Variants in ARK2N observed in about 807,000 individuals in gnomAD.
ARK2N encodes arkadia (RNF111) N-terminal like PKA signaling regulator 2N.
At chr18:46,192,001 G>A in the ARK2N span, among the ~76,000 whole-genome samples, 1 of 152,120 alleles carries the variant, frequency 6.6e-6, no homozygotes. Flanking sequence ...TCTTATGGAT[G>A]AATAATATTC....
At chr18:46,193,281 G>A in the ARK2N span, among the ~76,000 whole-genome samples, 1 of 151,946 alleles carries the variant, frequency 6.6e-6, no homozygotes, top group Admixed American at 6.6e-5. Context: ...AGTTCATGCA[G>A]ATTCCCCACC....
the ARK2N span, among the ~76,000 whole-genome samples, chr18:46,210,309 TGA>T: frequency 2.0e-5 from 3 of 152,124 alleles, no homozygotes; most frequent in Non-Finnish European, 4.4e-5. Context: ...ATGGACATGG[TGA>T]ATGATGGGAT....
chr18:46,213,954 C>T, the ARK2N span, among the ~76,000 whole-genome samples: 17 of 152,144 alleles, frequency 1.1e-4, no homozygotes, highest in Admixed American at 9.8e-4. Flanking sequence ...GCCTCCACCT[C>T]CTAAAGTGCT....
chr18:46,197,999 T>G, the ARK2N span, among the ~76,000 whole-genome samples: 1 of 152,108 alleles, frequency 6.6e-6, no homozygotes, highest in Non-Finnish European at 1.5e-5. Flanking sequence ...TCCTACGATA[T>G]TTCCATTTTT....
At chr18:46,242,713 A>G in the ARK2N span, among the ~76,000 whole-genome samples, 1 of 152,226 alleles carries the variant, frequency 6.6e-6, no homozygotes, top group African/African-American at 2.4e-5. Flanking sequence ...ATCACATTGA[A>G]GGTAATCATT....
At chr18:46,257,693 A>AT in the ARK2N span, among the ~76,000 whole-genome samples, 1 of 149,894 alleles carries the variant, frequency 6.7e-6, no homozygotes, top group Non-Finnish European at 1.5e-5. Context: ...TGGTCCTGTT[A>AT]TTTTTTCCTT....
chr18:46,257,973 C>G, the ARK2N span, among the ~76,000 whole-genome samples: 30 of 150,698 alleles, frequency 2.0e-4, no homozygotes, highest in Non-Finnish European at 3.7e-4. Context: ...GTCCTCCAGG[C>G]TGGAGTGCAG....
the ARK2N span, among the ~76,000 whole-genome samples, chr18:46,191,011 T>A: frequency 7.2e-5 from 11 of 152,306 alleles, no homozygotes; most frequent in African/African-American, 2.4e-4. Context: ...TCTGGCCCAA[T>A]TGGATCCAGC....
the ARK2N span, among the ~76,000 whole-genome samples, chr18:46,246,126 A>C: frequency 6.6e-6 from 1 of 152,212 alleles, no homozygotes; most frequent in South Asian, 2.1e-4. Context: ...AGAACTGGAA[A>C]AGATTACTAC....
chr18:46,250,791 G>A, the ARK2N span, among the ~76,000 whole-genome samples: 1 of 152,168 alleles, frequency 6.6e-6, no homozygotes, highest in Non-Finnish European at 1.5e-5. Context: ...TGGTAGCCTT[G>A]TTTCTTATTA....
the ARK2N span, chr18:46,265,992 A>G: frequency 1.3e-5 from 2 of 152,328 alleles, no homozygotes; most frequent in Non-Finnish European, 2.9e-5. Flanking sequence ...CATGACTGCC[A>G]TGTAACCTGT....
chr18:46,261,056 C>A, the ARK2N span, among the ~76,000 whole-genome samples: 1 of 152,176 alleles, frequency 6.6e-6, no homozygotes, highest in African/African-American at 2.4e-5. Flanking sequence ...CATTGACTCT[C>A]TTTGCCACTC....
chr18:46,254,805 G>A, the ARK2N span, among the ~76,000 whole-genome samples: 1 of 152,108 alleles, frequency 6.6e-6, no homozygotes, highest in East Asian at 1.9e-4. Context: ...CTGCTTTAAG[G>A]TATGTTCATA....
the ARK2N span, among the ~76,000 whole-genome samples, chr18:46,204,484 T>G: frequency 6.6e-6 from 1 of 152,212 alleles, no homozygotes; most frequent in Non-Finnish European, 1.5e-5. Context: ...TTGGTCTAAG[T>G]AGAAAGCATT....
At chr18:46,193,814 G>T in the ARK2N span, among the ~76,000 whole-genome samples, 1 of 151,586 alleles carries the variant, frequency 6.6e-6, no homozygotes, top group Non-Finnish European at 1.5e-5. Context: ...GGCCAGACTG[G>T]TCTTGAACTC....
the ARK2N span, among the ~76,000 whole-genome samples, chr18:46,257,681 G>A: frequency 2.0e-5 from 3 of 149,388 alleles, no homozygotes; most frequent in African/African-American, 7.4e-5. Flanking sequence ...TTTTTTTGTC[G>A]TTGGTCCTGT....
the ARK2N span, among the ~76,000 whole-genome samples, chr18:46,246,257 G>A: frequency 6.6e-6 from 1 of 152,062 alleles, no homozygotes; most frequent in Non-Finnish European, 1.5e-5. Flanking sequence ...GGGTGGGGAG[G>A]GGCAGAGCAG....
chr18:46,235,316 T>C, the ARK2N span, among the ~76,000 whole-genome samples: 1 of 152,146 alleles, frequency 6.6e-6, no homozygotes, highest in Admixed American at 6.5e-5. Flanking sequence ...ACTTACCGAG[T>C]TGGGTTCATC....
chr18:46,185,482 C>T, the ARK2N span, among the ~76,000 whole-genome samples: 1 of 152,212 alleles, frequency 6.6e-6, no homozygotes, highest in South Asian at 2.1e-4. Flanking sequence ...TTGTGATTGT[C>T]TTCCACCATT....
Sources: allele counts gnomAD v4.1 joint callset (sites outside exome capture counted in the v4.1 genomes callset), GRCh38; gene constraint gnomAD v4.1.1; transcripts MANE v1.5; gene names NCBI Gene and HGNC (gene_info 2026-07-23, HGNC 2026-07-21).